PCBP3: variants seen among roughly 807,000 people sequenced by gnomAD.
PCBP3 encodes poly(rC) binding protein 3.
Under a neutral mutation model 52.7 loss-of-function variants are expected in PCBP3, and 25 were observed. That is an observed-to-expected ratio of 0.47 (90% CI 0.35 to 0.66). The LOEUF (loss-of-function observed/expected upper bound fraction) is 0.66, where lower values mean the gene tolerates loss of function less well. PCBP3 is among the 30% of genes least tolerant of loss of function. The pLI, the probability that PCBP3 is intolerant of heterozygous loss-of-function variation, is 0.01. For synonymous variants in PCBP3, 162 were observed against 183.0 expected, an observed-to-expected ratio of 0.89 and a Z score of 0.93; for missense variants, 391 against 490.3, an observed-to-expected ratio of 0.80 and a Z score of 1.91.
intron 2 of PCBP3, among the ~76,000 whole-genome samples, chr21:45,733,443 T>C (rs9978181): frequency 0.69 from 104,458 of 151,744 alleles, 37,248 homozygotes; most frequent in African/African-American, 0.88. Flanking sequence ...CCCGCCATCA[T>C]GCCTGGCTAA....
intron 13 of PCBP3, among the ~76,000 whole-genome samples, chr21:45,927,124 A>AT: frequency 6.6e-6 from 1 of 152,142 alleles, no homozygotes; most frequent in South Asian, 2.1e-4. Flanking sequence ...GGGTGCATTC[A>AT]TTTTGTGATC....
chr21:45,911,153 C>A, intron 11 of PCBP3, 123 bp downstream of exon 11: 2 of 1,150,178 alleles, frequency 1.7e-6, no homozygotes, highest in Admixed American at 1.8e-5. Flanking sequence ...GTGGGGGGCT[C>A]CTGACCCCAA....
intron 2 of PCBP3, among the ~76,000 whole-genome samples, chr21:45,692,244 A>G (rs567885260): frequency 1.3e-5 from 2 of 152,326 alleles, no homozygotes; most frequent in African/African-American, 4.8e-5. Flanking sequence ...AAAAACTAGA[A>G]GAAGAACAGC....
At chr21:45,864,928 A>G (rs563167532) in intron 5 of PCBP3, among the ~76,000 whole-genome samples, 93 of 152,346 alleles carry the variant, frequency 6.1e-4, no homozygotes, top group Admixed American at 2.1e-3. Context: ...TCTCTGCGTG[A>G]AAGTAATGCC....
chr21:45,693,976 A>G (rs1382937268), intron 2 of PCBP3, among the ~76,000 whole-genome samples: 7 of 152,188 alleles, frequency 4.6e-5, no homozygotes, highest in African/African-American at 1.7e-4. Flanking sequence ...GAGGGGATAA[A>G]GGGAGTTAAA....
rs899467392 is a variant in PCBP3 at position 45,896,054 on chromosome 21, T to G, written c.11-154T>G. The G allele has an allele frequency of 5.9e-6, 4 of 672,768 alleles. No individual in the cohort carries two copies. In the African/African-American group the frequency reaches 7.2e-5, roughly 12 times the overall value. 41.7% of individuals were successfully genotyped at this position (672,768 alleles called of 1,614,324 possible). A position where few individuals can be genotyped will look rare whatever the true frequency, so the allele number is the denominator to read the frequency against. On this transcript the variant is annotated intron_variant, in intron 5 of 17. Transcript: ENST00000681687. ...CTCCCCTGAACTCCCGTGCACCCTG[T>G]GCCCAGCAGGCGAGGCCTGGTCAGC...
At chr21:45,894,193 C>G (rs891316412) in intron 5 of PCBP3, among the ~76,000 whole-genome samples, 12 of 152,274 alleles carry the variant, frequency 7.9e-5, no homozygotes, top group African/African-American at 2.9e-4. Context: ...GCTGCCCTTG[C>G]AATGAAGAGA....
chr21:45,809,600 T>G (rs1185832946), intron 4 of PCBP3, among the ~76,000 whole-genome samples: 4 of 152,200 alleles, frequency 2.6e-5, no homozygotes, highest in Non-Finnish European at 5.9e-5. Flanking sequence ...GAGCAGGGCT[T>G]GACTCTCCTA....
chr21:45,765,425 A>G (rs980552206), intron 4 of PCBP3, among the ~76,000 whole-genome samples: 2 of 152,232 alleles, frequency 1.3e-5, no homozygotes, highest in Non-Finnish European at 2.9e-5. Context: ...CAAGTTAAAT[A>G]GGAGGACAGC....
intron 2 of PCBP3, among the ~76,000 whole-genome samples, chr21:45,720,434 A>G (rs2084547230): frequency 6.6e-6 from 1 of 152,178 alleles, no homozygotes. Context: ...ATTCCATGGT[A>G]TATATGTGCC....
chr21:45,655,535 T>C (rs1370225443), intron 1 of PCBP3, among the ~76,000 whole-genome samples: 2 of 152,178 alleles, frequency 1.3e-5, no homozygotes, highest in African/African-American at 4.8e-5. Flanking sequence ...TTCAGCCCTT[T>C]TTATGTACTG....
intron 5 of PCBP3, among the ~76,000 whole-genome samples, chr21:45,888,343 A>C (rs750482301): frequency 1.3e-5 from 2 of 152,264 alleles, no homozygotes; most frequent in Non-Finnish European, 2.9e-5. Flanking sequence ...CAAGTTATTA[A>C]TTAATAACTG....
chr21:45,686,365 T>C (rs773616778), intron 2 of PCBP3, among the ~76,000 whole-genome samples: 9 of 152,166 alleles, frequency 5.9e-5, no homozygotes, highest in Non-Finnish European at 1.2e-4. Context: ...AAATTAGCTG[T>C]AGAGTAAAAG....
chr21:45,765,626 C>T (rs564010877), intron 4 of PCBP3, among the ~76,000 whole-genome samples: 1 of 152,180 alleles, frequency 6.6e-6, no homozygotes, highest in Non-Finnish European at 1.5e-5. Context: ...CAGCGCGGCT[C>T]TTCCATTGTC....
chr21:45,818,085 C>G (rs956439801), intron 4 of PCBP3, among the ~76,000 whole-genome samples: 1 of 152,012 alleles, frequency 6.6e-6, no homozygotes. Flanking sequence ...TGCAGTGGTG[C>G]GATCTTGGCT....
At chr21:45,722,772 G>C (rs547025775) in intron 2 of PCBP3, among the ~76,000 whole-genome samples, 7 of 152,000 alleles carry the variant, frequency 4.6e-5, no homozygotes, top group Non-Finnish European at 5.9e-5. Context: ...GAGGCCAAGT[G>C]GGGGTGGATC....
intron 4 of PCBP3, among the ~76,000 whole-genome samples, chr21:45,810,803 C>T (rs1449920732): frequency 2.0e-5 from 3 of 152,082 alleles, no homozygotes; most frequent in African/African-American, 7.2e-5. Context: ...GTCTTCTTGT[C>T]GGGAAGGTAT....
intron 1 of PCBP3, among the ~76,000 whole-genome samples, chr21:45,646,093 C>CTCTGTCTCTCTT (rs1555895759): frequency 1.2e-5 from 1 of 81,336 alleles, no homozygotes; most frequent in East Asian, 4.4e-4. Context: ...TTCTCTCTCT[C>CTCTGTCTCTCTT]TCTCTCTCTC....
intron 3 of PCBP3, among the ~76,000 whole-genome samples, chr21:45,748,914 G>A (rs991768727): frequency 2.0e-5 from 3 of 152,188 alleles, no homozygotes; most frequent in Non-Finnish European, 4.4e-5. Flanking sequence ...CCCTCTCTGT[G>A]CTGCTTTTCC....
Sources: allele counts gnomAD v4.1 joint callset (sites outside exome capture counted in the v4.1 genomes callset), GRCh38; gene constraint gnomAD v4.1.1; transcripts MANE v1.5; gene names NCBI Gene and HGNC (gene_info 2026-07-23, HGNC 2026-07-21).